Variants in HS3ST5 observed in about 807,000 individuals in gnomAD.
HS3ST5 encodes heparan sulfate glucosamine 3-O-sulfotransferase 5.
A neutral mutation model predicts 25.4 loss-of-function variants in HS3ST5; 10 were observed. That is an observed-to-expected ratio of 0.39 (90% confidence interval 0.24 to 0.67). The LOEUF is 0.67. Among genes scored for constraint, HS3ST5 ranks in the 30% least tolerant of loss-of-function variants. The pLI is 0.44. For synonymous variants in HS3ST5, 170 were observed against 162.4 expected (o/e 1.05, Z -0.36); for missense variants, 324 against 420.7 (o/e 0.77, Z 2.01).
At position 114,342,863 on chromosome 6, in the gene HS3ST5, G is replaced by C; in HGVS notation, c.-1007C>G. The stretch of plus-strand genomic sequence containing the variant: ...GGGCGCCCCGCTCCCCGCGGCTGGC[G>C]CTGTCACGGCCGCCGCCCGGCCCCC... On this transcript the variant is annotated 5_prime_UTR_variant, in exon 1 of 5. Coordinates refer to ENST00000312719, the MANE Select transcript of HS3ST5 (RefSeq NM_153612.4). 6.5e-6 allele frequency: 1 copy of C among 153,082 alleles called. No homozygotes were observed. The allele number at this position is 153,082 out of a possible 1,614,324, so 9.5% of individuals were successfully genotyped here. A position where few individuals can be genotyped will look rare whatever the true frequency, so the allele number is the denominator to read the frequency against.
intron 1 of HS3ST5, among the ~76,000 whole-genome samples, chr6:114,300,590 T>C (rs1175934948): frequency 1.3e-5 from 2 of 152,094 alleles, no homozygotes; most frequent in African/African-American, 4.8e-5. Flanking sequence ...GGAAAACAAT[T>C]TGTGAATTCC....
chr6:114,246,665 A>G (rs775728024), intron 1 of HS3ST5, among the ~76,000 whole-genome samples: 3 of 152,224 alleles, frequency 2.0e-5, no homozygotes, highest in Non-Finnish European at 2.9e-5. Flanking sequence ...TCTTCTTAAT[A>G]GTTATAGGAA....
At chr6:114,119,046 G>A (rs1309738692) in intron 3 of HS3ST5, among the ~76,000 whole-genome samples, 1 of 152,162 alleles carries the variant, frequency 6.6e-6, no homozygotes, top group Non-Finnish European at 1.5e-5. Context: ...TGTAATCAAA[G>A]CATAACATGT....
intron 1 of HS3ST5, among the ~76,000 whole-genome samples, chr6:114,314,361 C>A (rs1183163773): frequency 1.3e-5 from 2 of 152,186 alleles, no homozygotes; most frequent in African/African-American, 4.8e-5. Context: ...GACATAGACA[C>A]AAATGATTCC....
intron 1 of HS3ST5, among the ~76,000 whole-genome samples, chr6:114,319,252 C>T (rs970693559): frequency 2.0e-5 from 3 of 152,238 alleles, no homozygotes; most frequent in Admixed American, 2.0e-4. Context: ...AATTTACATG[C>T]ACCATTACAC....
chr6:114,296,059 G>T (rs1009843596), intron 1 of HS3ST5, among the ~76,000 whole-genome samples: 1 of 152,196 alleles, frequency 6.6e-6, no homozygotes, highest in Non-Finnish European at 1.5e-5. Context: ...TGTAATGGCT[G>T]CTATTCTACT....
At chr6:114,124,807 G>T (rs548994282) in intron 3 of HS3ST5, among the ~76,000 whole-genome samples, 1 of 152,114 alleles carries the variant, frequency 6.6e-6, no homozygotes, top group Admixed American at 6.5e-5. Context: ...CGATTTTCAG[G>T]TTTACATTGT....
chr6:114,255,863 G>A (rs972452848), intron 1 of HS3ST5, among the ~76,000 whole-genome samples: 6 of 152,108 alleles, frequency 3.9e-5, no homozygotes, highest in Admixed American at 3.9e-4. Flanking sequence ...CCAGGCCTGT[G>A]CTGGGAGGGG....
chr6:114,265,202 G>A (rs1773352664), intron 1 of HS3ST5, among the ~76,000 whole-genome samples: 1 of 152,054 alleles, frequency 6.6e-6, no homozygotes, highest in Non-Finnish European at 1.5e-5. Context: ...TGTTAGTAAG[G>A]CAGAAAGGGT....
At chr6:114,308,734 CAGG>C (rs913310013) in intron 1 of HS3ST5, among the ~76,000 whole-genome samples, 4 of 152,102 alleles carry the variant, frequency 2.6e-5, no homozygotes, top group African/African-American at 9.7e-5. Context: ...CACCCAGTCC[CAGG>C]AGGAGGTGAA....
At chr6:114,296,548 T>C (rs980665162) in intron 1 of HS3ST5, among the ~76,000 whole-genome samples, 1 of 152,302 alleles carries the variant, frequency 6.6e-6, no homozygotes, top group African/African-American at 2.4e-5. Context: ...CTAAAATTCA[T>C]GTGTGGATAT....
intron 1 of HS3ST5, among the ~76,000 whole-genome samples, chr6:114,289,756 T>A (rs1479658141): frequency 6.6e-6 from 1 of 152,130 alleles, no homozygotes; most frequent in African/African-American, 2.4e-5. Context: ...AGCTCATACT[T>A]CATAATCATT....
intron 1 of HS3ST5, among the ~76,000 whole-genome samples, chr6:114,291,367 T>G (rs1774570383): frequency 6.6e-6 from 1 of 152,098 alleles, no homozygotes; most frequent in Admixed American, 6.5e-5. Flanking sequence ...GTAATTACAC[T>G]CAGTATTTAT....
rs745509788 is a variant in HS3ST5, at chr6:114,057,518, C to T, written c.780G>A (p.Thr260=). Residue 260 remains threonine, a synonymous_variant, in exon 5 of 5, where the codon ACG becomes ACA. Transcript: ENST00000312719. ...FHVVDGDRLI[T]EPLPELQLVE... is the part of the protein sequence containing the mutation. ...CGAGCTGAAGTTCTGGCAGAGGTTCCGTGATGAGGCGATCTCCATCGACGA... is the reference window on the plus strand; with the variant it reads ...CGAGCTGAAGTTCTGGCAGAGGTTCTGTGATGAGGCGATCTCCATCGACGA... 5.5e-5 allele frequency: 88 copies of T among 1,614,112 alleles called. No homozygotes were observed. The highest frequency in any genetic ancestry group is 7.1e-5 in the Non-Finnish European group (84 of 1,180,028).
At chr6:114,080,706 C>T (rs1329688745) in intron 3 of HS3ST5, among the ~76,000 whole-genome samples, 1 of 152,170 alleles carries the variant, frequency 6.6e-6, no homozygotes, top group Non-Finnish European at 1.5e-5. Context: ...CCGCATGTCT[C>T]ACTTATAAGT....
intron 2 of HS3ST5, among the ~76,000 whole-genome samples, chr6:114,224,541 A>G (rs1472125204): frequency 6.6e-6 from 1 of 151,508 alleles, no homozygotes; most frequent in Non-Finnish European, 1.5e-5. Flanking sequence ...TTTCTGGGCA[A>G]TAACAATAGC....
chr6:114,148,575 C>A (rs940862128), intron 3 of HS3ST5, among the ~76,000 whole-genome samples: 1 of 152,084 alleles, frequency 6.6e-6, no homozygotes. Context: ...GAGCCAAGAT[C>A]GCGCCACTGT....
At chr6:114,080,404 C>A (rs946838140) in intron 3 of HS3ST5, among the ~76,000 whole-genome samples, 1 of 152,184 alleles carries the variant, frequency 6.6e-6, no homozygotes. Context: ...TAAAACAGAA[C>A]TACCATTTGA....
chr6:114,097,850 A>T (rs1775521018), intron 3 of HS3ST5, among the ~76,000 whole-genome samples: 1 of 152,022 alleles, frequency 6.6e-6, no homozygotes, highest in African/African-American at 2.4e-5. Context: ...CAGATTTTTA[A>T]CTAACTCTAC....
Sources: gnomAD v4.1 joint callset for allele counts (sites outside exome capture counted in the v4.1 genomes callset) on GRCh38, gnomAD v4.1.1 for gene constraint, MANE v1.5 for transcripts, NCBI Gene and HGNC (gene_info 2026-07-23, HGNC 2026-07-21) for gene names.